Variants in CALD1 observed in about 807,000 individuals in gnomAD.
CALD1 encodes the protein caldesmon 1.
Under a neutral mutation model 99.9 loss-of-function variants are expected in CALD1, and 33 were observed. The observed-to-expected ratio is 0.33, with a 90% confidence interval of 0.25 to 0.44. CALD1 has a LOEUF of 0.44. CALD1 is among the 20% of genes least tolerant of loss of function. The pLI, the probability that CALD1 is intolerant of heterozygous loss-of-function variation, is 1.00. For synonymous variants in CALD1, 310 were observed against 325.0 expected (o/e 0.95, Z 0.50); for missense variants, 861 against 962.1 (o/e 0.89, Z 1.39).
intron 2 of CALD1, among the ~76,000 whole-genome samples, chr7:134,845,591 A>C (rs936373649): frequency 4.6e-5 from 7 of 152,226 alleles, no homozygotes; most frequent in African/African-American, 1.7e-4. Context: ...CTGAGTTTGA[A>C]GCCTGTGGGA....
chr7:134,925,235 A>T (rs569017032), intron 3 of CALD1, among the ~76,000 whole-genome samples: 48 of 152,254 alleles, frequency 3.2e-4, no homozygotes, highest in African/African-American at 1.1e-3. Flanking sequence ...GAAATCAAAG[A>T]TGAAGAGAGG....
chr7:134,901,187 C>G (rs899208822), intron 3 of CALD1, among the ~76,000 whole-genome samples: 1 of 149,786 alleles, frequency 6.7e-6, no homozygotes, highest in Admixed American at 6.6e-5. Context: ...TTTTTGCCAG[C>G]AGATGCCATC....
chr7:134,747,462 G>C (rs2131546196), intron 1 of CALD1, among the ~76,000 whole-genome samples: 1 of 152,346 alleles, frequency 6.6e-6, no homozygotes, highest in African/African-American at 2.4e-5. Flanking sequence ...GGTGGACTAT[G>C]TATTTCTGTA....
intron 1 of CALD1, among the ~76,000 whole-genome samples, chr7:134,792,667 T>C (rs141829982): frequency 3.6e-4 from 55 of 152,308 alleles, no homozygotes; most frequent in Non-Finnish European, 7.5e-4. Flanking sequence ...TGATTACCTC[T>C]GTAAAGACCC....
At chr7:134,841,532 C>T (rs1799649407) in intron 1 of CALD1, among the ~76,000 whole-genome samples, 1 of 152,126 alleles carries the variant, frequency 6.6e-6, no homozygotes, top group Admixed American at 6.5e-5. Flanking sequence ...AATGATCTGC[C>T]TTATCCTCTA....
rs1466411891 is a variant in CALD1 at position 134,867,760 on chromosome 7, A to ACTTAGAAGG, written c.29_37dup (p.Leu10_Arg12dup). On this transcript the variant is annotated inframe_insertion, in exon 3 of 15. Transcript: ENST00000361675. ...TGGATGATTTTGAGCGTCGCAGAGA[A>ACTTAGAAGG]CTTAGAAGGCAAAAGAGGGAGGAGA... 6.2e-7 allele frequency: 1 copy of ACTTAGAAGG among 1,610,822 alleles called. No individual in the cohort carries two copies. Among genetic ancestry groups the ACTTAGAAGG allele is most frequent in the Non-Finnish European group, 8.5e-7 (1 of 1,178,054 alleles).
intron 4 of CALD1, 139 bp downstream of exon 4, chr7:134,929,039 AT>A: frequency 1.4e-6 from 1 of 723,210 alleles, no homozygotes; most frequent in Non-Finnish European, 2.2e-6. Context: ...TTTTGCAGTC[AT>A]TTTAGGCAAC....
intron 1 of CALD1, among the ~76,000 whole-genome samples, chr7:134,772,471 T>C (rs1796885117): frequency 6.6e-6 from 1 of 152,208 alleles, no homozygotes; most frequent in Non-Finnish European, 1.5e-5. Context: ...TTTTCAATAG[T>C]AGACATTATC....
At chr7:134,950,048 A>G (rs1807216391) in intron 8 of CALD1, among the ~76,000 whole-genome samples, 1 of 152,238 alleles carries the variant, frequency 6.6e-6, no homozygotes, top group Non-Finnish European at 1.5e-5. Flanking sequence ...AGCATTTTAC[A>G]TGTGCTATCT....
intron 9 of CALD1, among the ~76,000 whole-genome samples, chr7:134,953,829 T>A (rs1807564535): frequency 6.6e-6 from 1 of 152,126 alleles, no homozygotes; most frequent in Admixed American, 6.5e-5. Context: ...ATCTACTCCC[T>A]CTGATGGAGA....
intron 1 of CALD1, among the ~76,000 whole-genome samples, chr7:134,759,001 C>A (rs1273015556): frequency 6.6e-6 from 1 of 152,164 alleles, no homozygotes; most frequent in African/African-American, 2.4e-5. Context: ...GGCATTTATT[C>A]CCCTGTGGCT....
the CALD1 span, among the ~76,000 whole-genome samples, chr7:134,734,220 G>T: frequency 6.6e-6 from 1 of 152,258 alleles, no homozygotes; most frequent in Middle Eastern, 3.4e-3. Flanking sequence ...TTCCTATAAA[G>T]AATTATTTCT....
intron 1 of CALD1, among the ~76,000 whole-genome samples, chr7:134,762,775 C>T (rs1329084309): frequency 3.9e-5 from 6 of 152,128 alleles, no homozygotes; most frequent in Admixed American, 3.9e-4. Context: ...ACCCATGATC[C>T]AATCACCTCC....
At chr7:134,902,580 G>A (rs1399384727) in intron 3 of CALD1, among the ~76,000 whole-genome samples, 3 of 152,034 alleles carry the variant, frequency 2.0e-5, no homozygotes, top group East Asian at 1.9e-4. Context: ...AGCCCACCTC[G>A]GAGCTACAGG....
intron 1 of CALD1, among the ~76,000 whole-genome samples, chr7:134,745,263 T>C (rs895157060): frequency 1.3e-5 from 2 of 152,234 alleles, no homozygotes; most frequent in Non-Finnish European, 2.9e-5. Context: ...GTATCAGGCA[T>C]CTTAAATTTG....
At position 134,799,311 on chromosome 7, in the gene CALD1, T is replaced by C. The variant is rs554386043; in HGVS notation, c.-130+19562T>C. On this transcript the variant is annotated intron_variant, in intron 1 of 14. Coordinates refer to ENST00000361675, the MANE Select transcript of CALD1 (RefSeq NM_033138.4). ...AGCCTCAAAATAACAACAATTTGAATTGGTCATCTAAGTATAAATAAAGTT... is the reference window on the plus strand; with the variant it reads ...AGCCTCAAAATAACAACAATTTGAACTGGTCATCTAAGTATAAATAAAGTT... 3.9e-5 allele frequency among the ~76,000 whole-genome samples: 6 copies of C among 152,310 alleles called. No individual in the cohort carries two copies. The South Asian group carries it at 1.2e-3, about 32-fold the overall frequency.
At chr7:134,849,824 G>T (rs1284787621) in intron 2 of CALD1, among the ~76,000 whole-genome samples, 1 of 152,100 alleles carries the variant, frequency 6.6e-6, no homozygotes, top group East Asian at 1.9e-4. Flanking sequence ...ATGGGGAGAG[G>T]TCCCTGCCTC....
upstream of CALD1, among the ~76,000 whole-genome samples, chr7:134,778,150 T>A (rs764355287): frequency 2.7e-4 from 41 of 152,248 alleles, no homozygotes; most frequent in Middle Eastern, 6.8e-3. Context: ...GCAGTAGCAG[T>A]CAGGAAGAGG....
chr7:134,940,981 T>C (rs1806381044), intron 6 of CALD1, 111 bp from the exon 7 acceptor site: 1 of 794,074 alleles, frequency 1.3e-6, no homozygotes, highest in African/African-American at 1.8e-5. Flanking sequence ...GAGTGGTTTC[T>C]TTCTGAGTTT....
Sources: gnomAD v4.1 joint callset for allele counts (sites outside exome capture counted in the v4.1 genomes callset) on GRCh38, gnomAD v4.1.1 for gene constraint, MANE v1.5 for transcripts, NCBI Gene and HGNC (gene_info 2026-07-23, HGNC 2026-07-21) for gene names.